PSMF1: variants seen among roughly 807,000 people sequenced by gnomAD.
The protein encoded by PSMF1 is proteasome inhibitor subunit 1, also known as proteasome inhibitor PI31 subunit.
A neutral mutation model predicts 29.3 loss-of-function variants in PSMF1; 30 were observed. The observed-to-expected ratio is 1.02, with a 90% CI of 0.77 to 1.39. The LOEUF is 1.39. Among genes scored for constraint, PSMF1 ranks in the 40% most tolerant of loss-of-function variants. The pLI is 0.00. For synonymous variants in PSMF1, 134 were observed against 139.7 expected (o/e 0.96, Z 0.29); for missense variants, 344 against 357.5 (o/e 0.96, Z 0.31).
chr20:1,119,694 C>T (rs1171143664), intron 1 of PSMF1, among the ~76,000 whole-genome samples: 1 of 152,208 alleles, frequency 6.6e-6, no homozygotes, highest in Non-Finnish European at 1.5e-5. Flanking sequence ...ACCCAACCCA[C>T]CTCACTAATT....
In PSMF1 at chr20:1,171,800, C is replaced by G. The variant is rs1343018802; in HGVS notation, c.*6720C>G. On this transcript the variant is annotated 3_prime_UTR_variant, in exon 7 of 7. Coordinates refer to ENST00000335877, the MANE Select transcript of PSMF1 (RefSeq NM_006814.5). ...AGACAGGCATCCTGAGAGGAGGGGGCCTGGACCTAGGTGTCTTGCCACCCA... is the reference window on the plus strand; with the variant it reads ...AGACAGGCATCCTGAGAGGAGGGGGGCTGGACCTAGGTGTCTTGCCACCCA... Among the ~76,000 whole-genome samples, 1 of 152,196 alleles carries G rather than the reference C, an allele frequency of 6.6e-6. No homozygotes were observed. Among genetic ancestry groups the G allele is most frequent in the African/African-American group, 2.4e-5 (1 of 41,448 alleles).
chr20:1,117,121 T>C (rs959678753), upstream of PSMF1, among the ~76,000 whole-genome samples: 12 of 152,050 alleles, frequency 7.9e-5, no homozygotes, highest in Admixed American at 3.3e-4. Context: ...TTGGACCAGA[T>C]GTAGATGTGA....
intron 2 of PSMF1, 142 bp from the exon 3 acceptor site, chr20:1,127,284 T>G: frequency 1.3e-6 from 1 of 790,472 alleles, no homozygotes; most frequent in Non-Finnish European, 2.3e-6. Context: ...AGGAAGGTAT[T>G]TCATATAAAC....
At chr20:1,135,063 C>T in intron 3 of PSMF1, 58 bp from the exon 4 acceptor site, 2 of 1,580,144 alleles carry the variant, frequency 1.3e-6, no homozygotes, top group Non-Finnish European at 1.7e-6. Context: ...AGCCAGAATA[C>T]CACTTCCAGG....
intron 4 of PSMF1, among the ~76,000 whole-genome samples, chr20:1,157,505 A>G (rs1303321021): frequency 6.6e-6 from 1 of 152,254 alleles, no homozygotes; most frequent in Admixed American, 6.5e-5. Context: ...AAAGTTAACA[A>G]TACTTAAATG....
At chr20:1,134,840 G>T in intron 3 of PSMF1, 1 of 491,500 alleles carries the variant, frequency 2.0e-6, no homozygotes. Flanking sequence ...GCCAATCCAG[G>T]CCCTGTGCCC....
chr20:1,160,316 AGAACATGG>A, intron 4 of PSMF1, among the ~76,000 whole-genome samples: 1 of 152,036 alleles, frequency 6.6e-6, no homozygotes, highest in Non-Finnish European at 1.5e-5. Flanking sequence ...AAACATTCCC[AGAACATGG>A]TTTTTATTGC....
intron 3 of PSMF1, among the ~76,000 whole-genome samples, chr20:1,133,570 T>TATATATATATATA (rs1555760108): frequency 3.5e-4 from 22 of 63,120 alleles, no homozygotes; most frequent in Non-Finnish European, 3.9e-4. Context: ...TATATATATA[T>TATATATATATATA]TTTTTTTTTT....
chr20:1,133,516 T>G lies in PSMF1; in HGVS notation c.366-1605T>G, dbSNP rs375584475. ...GCTCATATTTTGTTGAGGATTTTTT[T>G]TGTGTGTAAGTTCATAGGATATACT... On this transcript the variant is annotated intron_variant, in intron 3 of 6. Transcript: ENST00000335877. Among the ~76,000 whole-genome samples, 6 of 144,532 alleles carry G rather than the reference T, an allele frequency of 4.2e-5. No homozygotes were observed. The East Asian group carries it at 7.9e-4, about 19-fold the overall frequency. The allele number at this position is 144,532 out of a possible 152,430, so 94.8% of individuals were successfully genotyped here.
intron 4 of PSMF1, among the ~76,000 whole-genome samples, chr20:1,155,655 T>C (rs2086585859): frequency 6.6e-6 from 1 of 152,226 alleles, no homozygotes; most frequent in Admixed American, 6.5e-5. Context: ...CTAAATAGCA[T>C]ATCAAAGACT....
intron 4 of PSMF1, among the ~76,000 whole-genome samples, chr20:1,140,905 T>G (rs756833464): frequency 8.5e-5 from 13 of 152,234 alleles, no homozygotes; most frequent in African/African-American, 1.2e-4. Context: ...AGAAATAGTA[T>G]TATTTGCAAT....
intron 4 of PSMF1, chr20:1,161,095 G>A (rs576243031): frequency 3.0e-5 from 14 of 469,012 alleles, no homozygotes; most frequent in African/African-American, 2.0e-4. Context: ...CCCTCCCCAC[G>A]CCATCCTGCG....
intron 1 of PSMF1, among the ~76,000 whole-genome samples, chr20:1,123,682 C>G (rs1417708079): frequency 2.6e-5 from 4 of 152,064 alleles, no homozygotes. Context: ...TGTTATGTAC[C>G]CTGTGCACAG....
At chr20:1,149,317 A>T (rs1283439659) in intron 4 of PSMF1, among the ~76,000 whole-genome samples, 2 of 152,262 alleles carry the variant, frequency 1.3e-5, no homozygotes, top group East Asian at 1.9e-4. Flanking sequence ...TATATCTGTT[A>T]CATCAAAATC....
At chr20:1,129,087 G>A (rs998429856) in intron 3 of PSMF1, among the ~76,000 whole-genome samples, 2 of 151,724 alleles carry the variant, frequency 1.3e-5, no homozygotes, top group South Asian at 2.1e-4. Context: ...CACCATGTTA[G>A]CCAGGATGGT....
At chr20:1,129,318 T>C (rs1309236968) in intron 3 of PSMF1, among the ~76,000 whole-genome samples, 2 of 152,194 alleles carry the variant, frequency 1.3e-5, no homozygotes, top group Admixed American at 6.5e-5. Context: ...TTGGCATCAC[T>C]ATAAATGCAC....
chr20:1,164,338 T>A lies in PSMF1; in HGVS notation c.626T>A (p.Ile209Asn). 1 of 1,613,938 alleles carries A rather than the reference T, an allele frequency of 6.2e-7. No homozygotes were observed. The highest frequency in any genetic ancestry group is 1.1e-5 in the South Asian group (1 of 91,072). The stretch of plus-strand genomic sequence containing the variant: ...CTCAGGCCTCGGAGAGGTGGCATGA[T>A]TGTGGATCCCCTGAGATCTGGCTTC... Reference protein sequence around the residue: ...DPFGPRRGGMIVDPLRSGFPR... With the variant: ...DPFGPRRGGMNVDPLRSGFPR... Residue 209 changes from isoleucine (I) to asparagine (N), a missense_variant, in exon 6 of 7, where the codon ATT (isoleucine) becomes AAT (asparagine). By Grantham distance (149) the Ile-to-Asn change is moderately radical. Transcript: ENST00000335877. The surrounding 1 kb of genome is among the most constrained non-coding windows in gnomAD (Gnocchi z 4.1).
chr20:1,156,040 A>G (rs2086590667), intron 4 of PSMF1, among the ~76,000 whole-genome samples: 1 of 152,234 alleles, frequency 6.6e-6, no homozygotes. Flanking sequence ...TCTTGAAATG[A>G]ATGGAATGAT....
At chr20:1,133,861 T>C (rs1376284358) in intron 3 of PSMF1, among the ~76,000 whole-genome samples, 1 of 151,978 alleles carries the variant, frequency 6.6e-6, no homozygotes, top group Non-Finnish European at 1.5e-5. Flanking sequence ...TTGTAGTTTA[T>C]GGTTTTTAAG....
Sources: gnomAD v4.1 joint callset for allele counts (sites outside exome capture counted in the v4.1 genomes callset) on GRCh38, gnomAD v4.1.1 for gene constraint, Gnocchi (gnomAD v3.1) non-coding constraint, MANE v1.5 for transcripts, NCBI Gene and HGNC (gene_info 2026-07-23, HGNC 2026-07-21) for gene names.